The following TRIQK variants were observed in gnomAD, a reference collection of about 807,000 sequenced individuals.
TRIQK encodes the protein triple QxxK/R motif containing.
TRIQK carries 10 observed loss-of-function variants against 10.8 expected under a neutral mutation model. That is an observed-to-expected ratio of 0.92 (90% CI 0.57 to 1.57). The LOEUF is 1.57. Ranked by LOEUF, TRIQK falls within the 40% of genes most tolerant of loss-of-function variation. The pLI is 0.00. For synonymous variants in TRIQK, 33 were observed against 33.7 expected (o/e 0.98, Z 0.07); for missense variants, 107 against 97.7 (o/e 1.09, Z -0.40).
chr8:92,982,386 G>A (rs1454934195), intron 1 of TRIQK, among the ~76,000 whole-genome samples: 1 of 151,814 alleles, frequency 6.6e-6, no homozygotes, highest in Non-Finnish European at 1.5e-5. Flanking sequence ...TGTTTCTTAT[G>A]GAATATTAAA....
intron 1 of TRIQK, among the ~76,000 whole-genome samples, chr8:92,975,113 G>A (rs991781334): frequency 2.0e-5 from 3 of 152,198 alleles, no homozygotes; most frequent in Non-Finnish European, 2.9e-5. Context: ...TGCTTAAGGT[G>A]TATTGCCCCC....
At chr8:93,006,964 A>T (rs961936960) in intron 1 of TRIQK, among the ~76,000 whole-genome samples, 3 of 152,160 alleles carry the variant, frequency 2.0e-5, no homozygotes, top group East Asian at 3.9e-4. Flanking sequence ...GACGAGTGGG[A>T]TTCCTTCAGC....
chr8:92,959,838 C>T (rs573893892), intron 1 of TRIQK, among the ~76,000 whole-genome samples: 36 of 152,128 alleles, frequency 2.4e-4, no homozygotes, highest in Admixed American at 4.6e-4. Context: ...GGACTGTATA[C>T]GTAAGAGTGG....
At chr8:92,902,842 T>G (rs1352822954) in intron 3 of TRIQK, among the ~76,000 whole-genome samples, 1 of 152,058 alleles carries the variant, frequency 6.6e-6, no homozygotes, top group African/African-American at 2.4e-5. Context: ...CTCTTTCATT[T>G]TCCTTCTTAT....
intron 1 of TRIQK, among the ~76,000 whole-genome samples, chr8:92,978,869 G>C (rs1812957634): frequency 6.6e-6 from 1 of 152,140 alleles, no homozygotes; most frequent in Non-Finnish European, 1.5e-5. Flanking sequence ...AATCACTGAA[G>C]TTTTCAGCTG....
chr8:92,961,818 A>G (rs1289408637), intron 1 of TRIQK, among the ~76,000 whole-genome samples: 1 of 152,204 alleles, frequency 6.6e-6, no homozygotes, highest in African/African-American at 2.4e-5. Context: ...CAACTACGTC[A>G]CTAAATAATA....
At chr8:92,988,377 A>T (rs1813060197) in intron 1 of TRIQK, among the ~76,000 whole-genome samples, 1 of 152,262 alleles carries the variant, frequency 6.6e-6, no homozygotes, top group South Asian at 2.1e-4. Flanking sequence ...TCGAAAAAGG[A>T]TGGATAAATT....
At position 92,986,714 on chromosome 8, in the gene TRIQK, A is replaced by T. The variant is rs1813037443; in HGVS notation, c.-181+30895T>A. ...TTTTATACATGCAGAATAAAAGAGT[A>T]GGGATAAAATTTGTTTCATTGTAGT... is the stretch of plus-strand genomic sequence containing the variant. On this transcript the variant is annotated intron_variant, in intron 1 of 4. Transcript: ENST00000520686. Among the ~76,000 whole-genome samples, 4 of 152,174 alleles carry T rather than the reference A, an allele frequency of 2.6e-5. No individual in the cohort carries two copies. In the South Asian group the frequency reaches 8.3e-4, roughly 32 times the overall value.
intron 2 of TRIQK, among the ~76,000 whole-genome samples, chr8:92,953,264 T>G (rs1811999572): frequency 6.6e-6 from 1 of 152,024 alleles, no homozygotes. Flanking sequence ...AAACACATTT[T>G]CTGGATTCAT....
At chr8:92,943,595 T>A (rs1198922595) in intron 2 of TRIQK, among the ~76,000 whole-genome samples, 1 of 152,192 alleles carries the variant, frequency 6.6e-6, no homozygotes, top group African/African-American at 2.4e-5. Context: ...CTTCAATAAA[T>A]GGTTCTGGGA....
intron 1 of TRIQK, among the ~76,000 whole-genome samples, chr8:93,003,109 T>A (rs371705305): frequency 6.6e-6 from 1 of 151,972 alleles, no homozygotes; most frequent in Non-Finnish European, 1.5e-5. Context: ...TTCTTAACAT[T>A]AAAAAGACTA....
At chr8:93,000,911 C>A (rs73311482) in intron 1 of TRIQK, among the ~76,000 whole-genome samples, 5 of 144,466 alleles carry the variant, frequency 3.5e-5, no homozygotes, top group Admixed American at 6.8e-5. Context: ...CAGAAAGGAA[C>A]AAAAGAGCTA....
At chr8:92,923,352 C>A (rs1006974117) in intron 2 of TRIQK, among the ~76,000 whole-genome samples, 1 of 151,164 alleles carries the variant, frequency 6.6e-6, no homozygotes, top group Non-Finnish European at 1.5e-5. Flanking sequence ...GTGATAGATG[C>A]GGAAAGGGAA....
chr8:92,988,097 G>A (rs1156257437), intron 1 of TRIQK, among the ~76,000 whole-genome samples: 5 of 129,168 alleles, frequency 3.9e-5, no homozygotes, highest in Admixed American at 9.4e-5. Flanking sequence ...AGCAAGCTCC[G>A]CCTCCCGGGT....
intron 1 of TRIQK, among the ~76,000 whole-genome samples, chr8:92,995,179 TTA>T (rs1813141199): frequency 6.6e-6 from 1 of 152,034 alleles, no homozygotes; most frequent in Admixed American, 6.6e-5. Flanking sequence ...GATCTGAGAA[TTA>T]TGTCTTTGCT....
In TRIQK at chr8:92,883,960, A is replaced by G. The variant is rs191231418; in HGVS notation, c.*2662T>C. 1 of 151,944 alleles carries G rather than the reference A, an allele frequency of 6.6e-6. No individual in the cohort carries two copies. Among genetic ancestry groups the G allele is most frequent in the East Asian group, 1.9e-4 (1 of 5,140 alleles). The allele number at this position is 151,944 out of a possible 1,614,324, so 9.4% of individuals were successfully genotyped here. A position where few individuals can be genotyped will look rare whatever the true frequency, so the allele number is the denominator to read the frequency against. ...CCTGTCTAAACTTGCATGCAAAATA[A>G]GAACCAGCAAGCCTTCAAACTTCAA... is the stretch of plus-strand genomic sequence containing the variant. On this transcript the variant is annotated 3_prime_UTR_variant, in exon 5 of 5. Transcript: ENST00000521988.
chr8:92,992,320 A>G (rs1442085957), intron 1 of TRIQK, among the ~76,000 whole-genome samples: 1 of 152,162 alleles, frequency 6.6e-6, no homozygotes, highest in African/African-American at 2.4e-5. Flanking sequence ...GGTAGAAGCA[A>G]AACCCTCTGC....
intron 4 of TRIQK, among the ~76,000 whole-genome samples, chr8:92,888,170 G>A (rs1816581217): frequency 6.6e-6 from 1 of 151,634 alleles, no homozygotes; most frequent in Non-Finnish European, 1.5e-5. Flanking sequence ...CATCTGTTCT[G>A]TATAGTGGAC....
intron 2 of TRIQK, among the ~76,000 whole-genome samples, chr8:92,920,075 A>T (rs1810093572): frequency 6.6e-6 from 1 of 151,668 alleles, no homozygotes; most frequent in East Asian, 1.9e-4. Flanking sequence ...TCAAAAAACA[A>T]CTTTTTGTTT....
Sources: allele counts gnomAD v4.1 joint callset (sites outside exome capture counted in the v4.1 genomes callset), GRCh38; gene constraint gnomAD v4.1.1; transcripts MANE v1.5; gene names NCBI Gene and HGNC (gene_info 2026-07-23, HGNC 2026-07-21).